VDAC1: variants seen among roughly 807,000 people sequenced by gnomAD.
The protein encoded by VDAC1 is voltage dependent anion channel 1.
In VDAC1, 10 loss-of-function variants were observed where a neutral mutation model predicts 34.7. The observed-to-expected ratio is 0.29, with a 90% CI of 0.18 to 0.49. The LOEUF (loss-of-function observed/expected upper bound fraction) is 0.49. VDAC1 is among the 20% of genes least tolerant of loss of function. VDAC1 has a pLI of 0.99. For missense variants in VDAC1, 230 were observed against 347.9 expected (o/e 0.66, Z 2.69); for synonymous variants, 130 against 136.0 (o/e 0.96, Z 0.30).
intron 1 of VDAC1, among the ~76,000 whole-genome samples, chr5:133,996,949 C>T (rs562614599): frequency 6.6e-6 from 1 of 152,264 alleles, no homozygotes; most frequent in East Asian, 1.9e-4. Flanking sequence ...TGATCTCAGG[C>T]TGAGGAGACC....
chr5:134,030,803 G>A, the VDAC1 span, among the ~76,000 whole-genome samples: 1 of 151,942 alleles, frequency 6.6e-6, no homozygotes, highest in Non-Finnish European at 1.5e-5. Flanking sequence ...GGTTTTTTAG[G>A]GGTTTTACCA....
At chr5:134,008,623 C>G (rs1753790889), upstream of VDAC1, among the ~76,000 whole-genome samples, 1 of 152,132 alleles carries the variant, frequency 6.6e-6, no homozygotes, top group African/African-American at 2.4e-5. Flanking sequence ...CTTTCAAGAA[C>G]ATAGGATGAA....
At position 133,991,063 on chromosome 5, in the gene VDAC1, G is replaced by A. The variant is rs767734111; in HGVS notation, c.209C>T (p.Thr70Met). 1.9e-5 allele frequency: 31 copies of A among 1,613,876 alleles called. No individual in the cohort carries two copies. The highest frequency in any genetic ancestry group is 2.5e-5 in the Non-Finnish European group (29 of 1,180,042). The stretch of plus-strand genomic sequence containing the variant: ...GTCGGTATTCCATTTCTCTGTAAAC[G>A]TCAGGCCGTACTCAGTCCATCTGTA... The part of the protein sequence containing the change: ...TKYRWTEYGL[T>M]FTEKWNTDNT... Residue 70 changes from threonine to methionine, a missense_variant, in exon 4 of 9, where the codon ACG becomes ATG. By Grantham distance (81) the Thr-to-Met change is moderately conservative (BLOSUM62 -1). Transcript: ENST00000265333.
At chr5:134,097,086 T>A in the VDAC1 span, among the ~76,000 whole-genome samples, 1 of 152,248 alleles carries the variant, frequency 6.6e-6, no homozygotes, top group African/African-American at 2.4e-5. Flanking sequence ...TAAAAAGATA[T>A]CAGCATTAGT....
At chr5:134,031,096 C>A in the VDAC1 span, among the ~76,000 whole-genome samples, 1 of 152,142 alleles carries the variant, frequency 6.6e-6, no homozygotes, top group Non-Finnish European at 1.5e-5. Context: ...CTCAGGTGGT[C>A]CTGGATGACC....
chr5:134,100,560 T>C, the VDAC1 span, among the ~76,000 whole-genome samples: 29 of 152,060 alleles, frequency 1.9e-4, no homozygotes, highest in Non-Finnish European at 4.1e-4. Context: ...GCAGCTCCTG[T>C]GAAGGGGGTG....
the VDAC1 span, among the ~76,000 whole-genome samples, chr5:134,082,822 T>C: frequency 3.1e-3 from 466 of 152,362 alleles, 1 homozygote; most frequent in Non-Finnish European, 5.0e-3. Context: ...TGATGACTAA[T>C]GACGTTGAGC....
At chr5:134,042,141 G>A in the VDAC1 span, among the ~76,000 whole-genome samples, 1 of 152,208 alleles carries the variant, frequency 6.6e-6, no homozygotes, top group Non-Finnish European at 1.5e-5. Context: ...AGCGTGGGAA[G>A]GTCGGAAGCA....
intron 6 of VDAC1, among the ~76,000 whole-genome samples, chr5:133,978,491 G>A (rs1196457700): frequency 2.0e-5 from 3 of 152,186 alleles, no homozygotes; most frequent in Admixed American, 6.5e-5. Context: ...AGAAAGTACA[G>A]GGAGACCCAG....
the VDAC1 span, among the ~76,000 whole-genome samples, chr5:134,070,396 T>C: frequency 6.6e-6 from 1 of 152,182 alleles, no homozygotes; most frequent in Non-Finnish European, 1.5e-5. Flanking sequence ...TCTGCCCATC[T>C]CGGCCTCCCA....
At chr5:134,100,377 C>T in the VDAC1 span, among the ~76,000 whole-genome samples, 2 of 152,216 alleles carry the variant, frequency 1.3e-5, no homozygotes, top group Non-Finnish European at 2.9e-5. Context: ...ATTTGATTTG[C>T]ATACGATGCA....
chr5:133,992,818 C>T (rs1753157007), intron 2 of VDAC1, 128 bp downstream of exon 2: 3 of 900,336 alleles, frequency 3.3e-6, no homozygotes, highest in Non-Finnish European at 4.9e-6. Flanking sequence ...ATGAAAGCTT[C>T]TTTTTTCCCT....
At chr5:133,997,118 AGTGAGG>A (rs1753345581) in intron 1 of VDAC1, among the ~76,000 whole-genome samples, 1 of 152,306 alleles carries the variant, frequency 6.6e-6, no homozygotes, top group South Asian at 2.1e-4. Flanking sequence ...ATCCAGTGTC[AGTGAGG>A]GTGTGGAAAA....
At chr5:134,011,671 ACT>A in the VDAC1 span, among the ~76,000 whole-genome samples, 18 of 137,862 alleles carry the variant, frequency 1.3e-4, no homozygotes, top group Admixed American at 7.8e-5. Context: ...ACAGAGTTTT[ACT>A]CTGTCACCCT....
chr5:134,021,568 A>G, the VDAC1 span, among the ~76,000 whole-genome samples: 3 of 151,720 alleles, frequency 2.0e-5, no homozygotes, highest in Non-Finnish European at 4.4e-5. Flanking sequence ...AAAAAAAAAA[A>G]AAAGAAAAAA....
chr5:134,003,603 C>T (rs758925037), intron 1 of VDAC1, among the ~76,000 whole-genome samples: 1 of 151,786 alleles, frequency 6.6e-6, no homozygotes, highest in Non-Finnish European at 1.5e-5. Context: ...TTTATTGAAC[C>T]CCTTCCACAA....
intron 5 of VDAC1, among the ~76,000 whole-genome samples, chr5:133,985,956 C>T (rs114302419): frequency 3.9e-5 from 6 of 152,386 alleles, no homozygotes; most frequent in Non-Finnish European, 7.3e-5. Context: ...CACTGTCTCA[C>T]TGGATTCTGG....
the VDAC1 span, among the ~76,000 whole-genome samples, chr5:134,106,142 C>A: frequency 6.6e-6 from 1 of 152,208 alleles, no homozygotes; most frequent in Non-Finnish European, 1.5e-5. Context: ...TTTGCTCTGC[C>A]TTTTACTAGC....
the VDAC1 span, among the ~76,000 whole-genome samples, chr5:134,033,898 A>G: frequency 1.8e-4 from 28 of 152,168 alleles, no homozygotes; most frequent in East Asian, 4.8e-3. Context: ...AGGCTGAGGC[A>G]GGAGAACGGC....
Sources: allele counts gnomAD v4.1 joint callset (sites outside exome capture counted in the v4.1 genomes callset), GRCh38; gene constraint gnomAD v4.1.1; transcripts MANE v1.5; gene names NCBI Gene and HGNC (gene_info 2026-07-23, HGNC 2026-07-21).